PRRC2C: variants seen among roughly 807,000 people sequenced by gnomAD.
PRRC2C encodes the protein proline rich coiled-coil 2C.
A neutral mutation model predicts 317.2 loss-of-function variants in PRRC2C; 72 were observed. The ratio of observed to expected loss-of-function variants is 0.23; its 90% CI spans 0.19 to 0.28. The LOEUF (loss-of-function observed/expected upper bound fraction) is 0.28. PRRC2C is among the 10% of genes least tolerant of loss of function. PRRC2C has a pLI of 1.00. For synonymous variants in PRRC2C, 1,296 were observed against 1,205.9 expected (o/e 1.07, Z -1.55); for missense variants, 3,074 against 3,459.7 (o/e 0.89, Z 2.80).
chr1:171,521,250 T>C (rs1041771049), intron 6 of PRRC2C, among the ~76,000 whole-genome samples: 1 of 152,240 alleles, frequency 6.6e-6, no homozygotes, highest in African/African-American at 2.4e-5. Flanking sequence ...TTTACAGTAA[T>C]ATAATTTCCT....
rs1327071241 is a variant in PRRC2C at position 171,588,414 on chromosome 1, A to G, written c.8108A>G (p.Lys2703Arg). Residue 2703 changes from lysine (K) to arginine (R), a missense_variant, in exon 33 of 35, where the codon AAA (lysine) becomes AGA (arginine). Lys to Arg is a conservative substitution (Grantham distance 26, BLOSUM62 2). Transcript: ENST00000647382. ...ACAAGTCCGAACAGCCAGTCCAGCA[A>G]AATGAACAGCATTGTCTACCAGAAG... ...TSTSPNSQSSKMNSIVYQKQF... is the reference protein window; with the variant it reads ...TSTSPNSQSSRMNSIVYQKQF... 1.9e-6 allele frequency: 3 copies of G among 1,613,778 alleles called. No homozygotes were observed. The highest frequency in any genetic ancestry group is 1.7e-6 in the Non-Finnish European group (2 of 1,179,772).
At chr1:171,536,963 G>A (rs927387409) in intron 14 of PRRC2C, among the ~76,000 whole-genome samples, 3 of 152,170 alleles carry the variant, frequency 2.0e-5, no homozygotes, top group Admixed American at 6.5e-5. Context: ...AGTACTTGGT[G>A]TCTGATTTTT....
intron 33 of PRRC2C, among the ~76,000 whole-genome samples, chr1:171,588,938 C>T (rs567874342): frequency 8.5e-5 from 13 of 152,256 alleles, no homozygotes; most frequent in South Asian, 2.1e-4. Flanking sequence ...CCTTGCTGAT[C>T]GTATAAAAGG....
chr1:171,577,530 C>T lies in PRRC2C; in HGVS notation c.7052C>T (p.Thr2351Ile). Reference sequence around the variant, plus strand: ...AAAGTGAAACCTCAGCAGTTACAGACAAGCAGCCTGCCTTCTGCAAGTCAT... The same window carrying T: ...AAAGTGAAACCTCAGCAGTTACAGATAAGCAGCCTGCCTTCTGCAAGTCAT... Reference protein sequence around the residue: ...ICKVKPQQLQTSSLPSASHFS... With the variant: ...ICKVKPQQLQISSLPSASHFS... Residue 2351 changes from threonine to isoleucine, a missense_variant, in exon 26 of 35, where the codon ACA becomes ATA. By Grantham distance (89) the Thr-to-Ile change is moderately conservative. Transcript: ENST00000647382. 6.2e-7 allele frequency: 1 copy of T among 1,613,094 alleles called. No homozygotes were observed. Among genetic ancestry groups the T allele is most frequent in the Non-Finnish European group, 8.5e-7 (1 of 1,179,130 alleles).
At chr1:171,589,135 G>A (rs1650756784) in intron 33 of PRRC2C, among the ~76,000 whole-genome samples, 1 of 152,090 alleles carries the variant, frequency 6.6e-6, no homozygotes, top group East Asian at 1.9e-4. Flanking sequence ...TGAGATGCTA[G>A]GACCAACTGA....
At chr1:171,556,954 G>C (rs2102636268) in intron 18 of PRRC2C, among the ~76,000 whole-genome samples, 1 of 152,286 alleles carries the variant, frequency 6.6e-6, no homozygotes, top group Middle Eastern at 3.4e-3. Context: ...GTTAGCTCAG[G>C]TAAGTTTTGC....
rs747853338 is a variant in PRRC2C, at chr1:171,540,753, C to T, written c.3287C>T (p.Thr1096Ile). 2 of 1,613,986 alleles carry T rather than the reference C, an allele frequency of 1.2e-6. No homozygotes were observed. Among genetic ancestry groups the T allele is most frequent in the South Asian group, 2.2e-5 (2 of 91,082 alleles). ...AEKFPSTETA[T>I]LAQKPSQDTE... ...AAATTTCCTTCAACAGAAACTGCAA[C>T]TTTGGCTCAAAAACCATCTCAGGAT... The change falls in exon 16 of 35, where the codon ACT (threonine) becomes ATT (isoleucine). Residue 1096 changes from threonine (T) to isoleucine (I), a missense_variant. Transcript: ENST00000647382.
chr1:171,543,474 G>A (rs541434335), intron 16 of PRRC2C, among the ~76,000 whole-genome samples: 8 of 152,184 alleles, frequency 5.3e-5, no homozygotes, highest in Middle Eastern at 3.4e-3. Flanking sequence ...CTTCCTCACC[G>A]CTAAAATGGG....
At chr1:171,577,918 C>A (rs1647469685) in intron 26 of PRRC2C, among the ~76,000 whole-genome samples, 1 of 148,826 alleles carries the variant, frequency 6.7e-6, no homozygotes, top group African/African-American at 2.5e-5. Flanking sequence ...GCTGGGGCCA[C>A]AGGAGCACAC....
rs2102915273 is a variant in PRRC2C, at chr1:171,591,879, GGGGCGGGA to G, written c.*33_*40del. 3.4e-6 allele frequency: 2 copies of G among 591,944 alleles called. No homozygotes were observed. Among genetic ancestry groups the G allele is most frequent in the Non-Finnish European group, 5.8e-6 (2 of 345,106 alleles). The allele number at this position is 591,944 out of a possible 1,614,324, so 36.7% of individuals were successfully genotyped here. On this transcript the variant is annotated 3_prime_UTR_variant, in exon 35 of 35. Transcript: ENST00000647382. ...TGGTTTATTGCAGGGGATTGGGAGG[GGGGCGGGA>G]AAACATGGAGAATTAAGTCAGATAA... is the stretch of plus-strand genomic sequence containing the variant.
At chr1:171,583,220 C>T (rs1259576883) in intron 28 of PRRC2C, among the ~76,000 whole-genome samples, 1 of 152,182 alleles carries the variant, frequency 6.6e-6, no homozygotes, top group Non-Finnish European at 1.5e-5. Context: ...GCAGCCCTTT[C>T]ACCTCAGCCT....
chr1:171,559,902 G>C (rs1031081858), intron 19 of PRRC2C, among the ~76,000 whole-genome samples: 3 of 152,144 alleles, frequency 2.0e-5, no homozygotes, highest in African/African-American at 4.8e-5. Context: ...CAAAATATAA[G>C]CTTGTTGACA....
At chr1:171,515,893 T>A in intron 5 of PRRC2C, 34 bp downstream of exon 5, 1 of 1,550,922 alleles carries the variant, frequency 6.4e-7, no homozygotes, top group Non-Finnish European at 8.7e-7. Context: ...CAAAATGAGA[T>A]CATATTTGTG....
chr1:171,516,917 A>T (rs1469202594), intron 5 of PRRC2C, among the ~76,000 whole-genome samples: 1 of 152,146 alleles, frequency 6.6e-6, no homozygotes, highest in African/African-American at 2.4e-5. Context: ...GTCTTTAATA[A>T]CTTAATCTGG....
chr1:171,492,137 G>T (rs113397390), intron 1 of PRRC2C, among the ~76,000 whole-genome samples: 32 of 152,110 alleles, frequency 2.1e-4, no homozygotes, highest in Non-Finnish European at 3.5e-4. Flanking sequence ...GTTTTAGTAC[G>T]TATGGATTTT....
chr1:171,519,685 C>A (rs1053763367), intron 6 of PRRC2C, among the ~76,000 whole-genome samples: 5 of 151,914 alleles, frequency 3.3e-5, no homozygotes, highest in African/African-American at 7.3e-5. Context: ...ATTTAGTTTT[C>A]CAGAAGACTC....
chr1:171,492,908 C>T (rs951606980), intron 1 of PRRC2C, among the ~76,000 whole-genome samples: 13 of 152,012 alleles, frequency 8.6e-5, no homozygotes, highest in Non-Finnish European at 1.8e-4. Flanking sequence ...TGTACCAGCA[C>T]ACCTGGCTAA....
Position 171,541,684 on chromosome 1 carries a change from A to T in PRRC2C, c.4218A>T (p.Lys1406Asn). The change falls in exon 16 of 35, where the codon AAA becomes AAT. Residue 1406 changes from lysine (K) to asparagine (N), a missense_variant. Physicochemically the swap from Lys to Asn is moderately conservative, Grantham distance 94. Transcript: ENST00000647382. This position sits in a 1 kb window ranked among gnomAD's most constrained non-coding sequence, Gnocchi z 4.1. ...AGTTTATTCCTATAGCAGCAGATAA[A>T]CGACCTCCAAAATTTGAGCGAAAAT... is the stretch of plus-strand genomic sequence containing the variant. ...HEQFIPIAAD[K>N]RPPKFERKFD... The T allele has an allele frequency of 1.2e-6, 2 of 1,613,898 alleles. No homozygotes were observed. The highest frequency in any genetic ancestry group is 2.7e-5 in the African/African-American group (2 of 75,044).
chr1:171,505,883 G>A (rs1191044353), intron 1 of PRRC2C, among the ~76,000 whole-genome samples: 2 of 152,094 alleles, frequency 1.3e-5, no homozygotes, highest in South Asian at 2.1e-4. Context: ...TTTACTGTAC[G>A]CTTTCTATGT....
Sources: allele counts gnomAD v4.1 joint callset (sites outside exome capture counted in the v4.1 genomes callset), GRCh38; gene constraint gnomAD v4.1.1; non-coding constraint Gnocchi (gnomAD v3.1); transcripts MANE v1.5; gene names NCBI Gene and HGNC (gene_info 2026-07-23, HGNC 2026-07-21).